The following IFT70B variants were observed in gnomAD, a reference collection of about 807,000 sequenced individuals.
The protein encoded by IFT70B is intraflagellar transport protein 70B.
chr2:177,549,274 A>C, the IFT70B span: 96 of 152,334 alleles, frequency 6.3e-4, no homozygotes, highest in Middle Eastern at 0.01. Flanking sequence ...GATAATTAAG[A>C]TTTAAAATGC....
chr2:177,551,649 G>C, the IFT70B span: 1 of 1,614,116 alleles, frequency 6.2e-7, no homozygotes, highest in Non-Finnish European at 8.5e-7. Flanking sequence ...AGCCTCTTCA[G>C]GAGCTGTCTG....
chr2:177,551,367 T>C, the IFT70B span: 12 of 1,614,298 alleles, frequency 7.4e-6, no homozygotes, highest in Non-Finnish European at 9.3e-6. Flanking sequence ...GAACAGAACA[T>C]GAGCCACATT....
the IFT70B span, chr2:177,552,128 A>G: frequency 1.9e-6 from 3 of 1,614,194 alleles, no homozygotes; most frequent in Non-Finnish European, 2.5e-6. Context: ...CAATAATCTC[A>G]GCGATATGCT....
the IFT70B span, chr2:177,550,534 G>A: frequency 2.9e-4 from 115 of 398,962 alleles, no homozygotes; most frequent in African/African-American, 2.3e-3. Context: ...TACAACTTCT[G>A]ATATAAACAT....
chr2:177,552,404 A>C, the IFT70B span: 1 of 1,613,802 alleles, frequency 6.2e-7, no homozygotes, highest in Non-Finnish European at 8.5e-7. Context: ...ACTTGATAGC[A>C]GCTTGCAGGC....
the IFT70B span, chr2:177,550,714 G>T: frequency 7.0e-7 from 1 of 1,430,914 alleles, no homozygotes; most frequent in East Asian, 2.3e-5. Flanking sequence ...TAAATAAAGC[G>T]ATGCAAATTT....
At chr2:177,550,932 TC>T in the IFT70B span, 1 of 1,614,164 alleles carries the variant, frequency 6.2e-7, no homozygotes, top group Non-Finnish European at 8.5e-7. Flanking sequence ...CTGGACACAT[TC>T]TTGAATAACA....
chr2:177,550,936 G>C, the IFT70B span: 1 of 1,614,122 alleles, frequency 6.2e-7, no homozygotes, highest in Non-Finnish European at 8.5e-7. Context: ...ACACATTCTT[G>C]AATAACACTA....
At chr2:177,552,016 G>C in the IFT70B span, 1 of 1,614,222 alleles carries the variant, frequency 6.2e-7, no homozygotes, top group Admixed American at 1.7e-5. Context: ...GCTTCCACCA[G>C]AGCAGTCTGA....
the IFT70B span, chr2:177,550,397 T>A: frequency 6.2e-6 from 1 of 160,974 alleles, no homozygotes; most frequent in African/African-American, 2.4e-5. Flanking sequence ...CTGAAATGAT[T>A]ATTTAAAGAC....
At chr2:177,552,101 C>G in the IFT70B span, 1 of 1,614,246 alleles carries the variant, frequency 6.2e-7, no homozygotes, top group Non-Finnish European at 8.5e-7. Flanking sequence ...GCTCAGGGTG[C>G]TGGCGGATGC....
chr2:177,552,740 C>A, the IFT70B span: 194 of 1,577,812 alleles, frequency 1.2e-4, 1 homozygote, highest in Non-Finnish European at 1.6e-4. Flanking sequence ...CGTCGGGGAT[C>A]TGCGCGCCGC....
At chr2:177,550,669 G>T in the IFT70B span, 1 of 1,158,446 alleles carries the variant, frequency 8.6e-7, no homozygotes, top group Non-Finnish European at 1.2e-6. Context: ...AGTGTACAAA[G>T]TTCAACATGT....
the IFT70B span, chr2:177,552,508 C>T: frequency 6.2e-7 from 1 of 1,605,154 alleles, no homozygotes; most frequent in East Asian, 2.2e-5. Context: ...AGGGCCTGGG[C>T]CTGGTACAGG....
At chr2:177,552,281 A>G in the IFT70B span, 87 of 1,614,034 alleles carry the variant, frequency 5.4e-5, no homozygotes, top group Admixed American at 1.7e-4. Flanking sequence ...AGAGCAAACA[A>G]CCCAGGTTGA....
chr2:177,552,333 C>T, the IFT70B span: 1 of 1,614,222 alleles, frequency 6.2e-7, no homozygotes, highest in Non-Finnish European at 8.5e-7. Context: ...TTCCTCTCCC[C>T]CTTCCCTACT....
the IFT70B span, chr2:177,551,439 A>C: frequency 1.2e-6 from 2 of 1,614,304 alleles, no homozygotes; most frequent in East Asian, 4.5e-5. Flanking sequence ...CTTTTCCACC[A>C]TTGGATAATT....
At chr2:177,552,503 C>T in the IFT70B span, 405 of 1,605,730 alleles carry the variant, frequency 2.5e-4, no homozygotes, top group Admixed American at 2.5e-4. Context: ...TGTACAGGGC[C>T]TGGGCCTGGT....
At chr2:177,551,171 G>A in the IFT70B span, 3 of 1,613,996 alleles carry the variant, frequency 1.9e-6, no homozygotes, top group South Asian at 3.3e-5. Context: ...CATCATAAGA[G>A]AGCTGCTCTT....
Sources: allele counts gnomAD v4.1 joint callset, GRCh38; gene constraint gnomAD v4.1.1; transcripts MANE v1.5; gene names NCBI Gene and HGNC (gene_info 2026-07-23, HGNC 2026-07-21).